Variants in PDE4B observed in about 807,000 individuals in gnomAD.
The protein encoded by PDE4B is phosphodiesterase 4B.
A neutral mutation model predicts 82.2 loss-of-function variants in PDE4B; 20 were observed. The observed-to-expected ratio is 0.24, with a 90% CI of 0.17 to 0.35. The LOEUF (loss-of-function observed/expected upper bound fraction) is 0.35. Among genes scored for constraint, PDE4B ranks in the 10% least tolerant of loss-of-function variants. The pLI is 1.00. For missense variants in PDE4B, 655 were observed against 907.2 expected (o/e 0.72, Z 3.57); for synonymous variants, 320 against 318.9 (o/e 1.00, Z -0.04).
chr1:66,195,201 C>A (rs1424074028), intron 3 of PDE4B, among the ~76,000 whole-genome samples: 1 of 152,088 alleles, frequency 6.6e-6, no homozygotes, highest in African/African-American at 2.4e-5. Flanking sequence ...GGTGACCTCC[C>A]AGAGCCAATC....
At chr1:65,813,632 CT>C (rs1449818208) in intron 1 of PDE4B, among the ~76,000 whole-genome samples, 2 of 152,002 alleles carry the variant, frequency 1.3e-5, no homozygotes, top group Admixed American at 1.3e-4. Flanking sequence ...GGAGGGGGTC[CT>C]CTATAGTTTC....
At chr1:66,296,807 T>G (rs1274275655) in intron 7 of PDE4B, among the ~76,000 whole-genome samples, 2 of 152,184 alleles carry the variant, frequency 1.3e-5, no homozygotes. Context: ...TTTCACCAAC[T>G]CTTACACGAA....
chr1:66,124,918 C>CGTGT (rs58795750), intron 3 of PDE4B, among the ~76,000 whole-genome samples: 9,709 of 147,844 alleles, frequency 0.066, 691 homozygotes, highest in East Asian at 0.16. Flanking sequence ...TGTGTGTATG[C>CGTGT]GTGTGTGTGT....
intron 1 of PDE4B, among the ~76,000 whole-genome samples, chr1:65,837,653 A>G (rs1646155883): frequency 1.3e-5 from 2 of 152,156 alleles, no homozygotes; most frequent in Admixed American, 6.6e-5. Context: ...TAGCATCTTC[A>G]GTAACTTGAG....
chr1:66,203,212 G>T, intron 3 of PDE4B, among the ~76,000 whole-genome samples: 1 of 152,170 alleles, frequency 6.6e-6, no homozygotes, highest in Non-Finnish European at 1.5e-5. Context: ...TCTGCCGAGA[G>T]ATCTGCTGTT....
chr1:66,081,826 CTCTCTCTG>C (rs1433276726), intron 3 of PDE4B, among the ~76,000 whole-genome samples: 25 of 95,782 alleles, frequency 2.6e-4, no homozygotes, highest in Non-Finnish European at 3.6e-4. Context: ...CTCTCTCTCT[CTCTCTCTG>C]TGTGTGTGTG....
At chr1:66,219,590 A>C (rs1650796664) in intron 3 of PDE4B, among the ~76,000 whole-genome samples, 1 of 152,150 alleles carries the variant, frequency 6.6e-6, no homozygotes, top group Non-Finnish European at 1.5e-5. Context: ...ATTCTGCACC[A>C]TGTTTTTATG....
intron 12 of PDE4B, among the ~76,000 whole-genome samples, chr1:66,364,962 G>A (rs1209612769): frequency 6.6e-6 from 1 of 152,152 alleles, no homozygotes; most frequent in Admixed American, 6.6e-5. Flanking sequence ...GATGAGGAAA[G>A]ACATTTCAGC....
intron 3 of PDE4B, among the ~76,000 whole-genome samples, chr1:66,220,676 A>G (rs900099900): frequency 2.0e-5 from 3 of 152,144 alleles, no homozygotes; most frequent in African/African-American, 7.2e-5. Flanking sequence ...CTCTGCTGCT[A>G]TGTTTTAATA....
intron 2 of PDE4B, among the ~76,000 whole-genome samples, chr1:65,914,518 C>G (rs1647135857): frequency 6.9e-6 from 1 of 145,448 alleles, no homozygotes; most frequent in African/African-American, 2.5e-5. Flanking sequence ...AGGGCATTTC[C>G]TTAAGTTATA....
chr1:66,124,423 A>G (rs994937605), intron 3 of PDE4B, among the ~76,000 whole-genome samples: 15 of 152,216 alleles, frequency 9.9e-5, no homozygotes, highest in Non-Finnish European at 2.2e-4. Flanking sequence ...CACTTTGAAA[A>G]GAGTCTGCAG....
intron 3 of PDE4B, among the ~76,000 whole-genome samples, chr1:65,976,048 G>A (rs1315045891): frequency 6.6e-6 from 1 of 152,112 alleles, no homozygotes; most frequent in Non-Finnish European, 1.5e-5. Context: ...CCCCAGAATG[G>A]TAGATCCATC....
intron 1 of PDE4B, among the ~76,000 whole-genome samples, chr1:65,860,820 T>C (rs889745195): frequency 1.3e-5 from 2 of 152,200 alleles, no homozygotes; most frequent in Non-Finnish European, 2.9e-5. Flanking sequence ...CTTTTTCATA[T>C]GTTTGTTGGC....
chr1:65,978,030 T>A (rs901799020), intron 3 of PDE4B, among the ~76,000 whole-genome samples: 2 of 148,440 alleles, frequency 1.3e-5, no homozygotes, highest in African/African-American at 4.9e-5. Context: ...TTTTAATTTT[T>A]TTTTTTTTTT....
At chr1:66,074,068 C>T (rs191309835) in intron 3 of PDE4B, among the ~76,000 whole-genome samples, 132 of 152,212 alleles carry the variant, frequency 8.7e-4, no homozygotes, top group African/African-American at 3.2e-3. Context: ...AGGTGGATAG[C>T]ACCTGATCTT....
intron 2 of PDE4B, among the ~76,000 whole-genome samples, chr1:65,916,389 C>G (rs1456116160): frequency 6.6e-6 from 1 of 151,900 alleles, no homozygotes; most frequent in Non-Finnish European, 1.5e-5. Flanking sequence ...ACAATTAAAC[C>G]TGGATGGTAA....
intron 3 of PDE4B, among the ~76,000 whole-genome samples, chr1:66,108,448 T>A (rs2503165): frequency 1.4e-4 from 21 of 152,026 alleles, no homozygotes; most frequent in Non-Finnish European, 2.8e-4. Context: ...AGACAAATGC[T>A]ATTGCATCAC....
rs151301262 is a variant in PDE4B at position 65,853,303 on chromosome 1, G to A, written c.-70-59942G>A. On this transcript the variant is annotated intron_variant, in intron 1 of 16. Coordinates refer to ENST00000341517, the MANE Select transcript of PDE4B (RefSeq NM_002600.4). ...GTTTCTTGTAGACAGCATAAAGTTGGATCCTGCTCTTTATTTAAAGAAGTT... is the reference window on the plus strand; with the variant it reads ...GTTTCTTGTAGACAGCATAAAGTTGAATCCTGCTCTTTATTTAAAGAAGTT... Among the ~76,000 whole-genome samples the A allele has an allele frequency of 4.6e-5, 7 of 152,034 alleles. No individual in the cohort carries two copies. The East Asian group carries it at 1.4e-3, about 29-fold the overall frequency.
chr1:66,196,684 T>C (rs1250610781), intron 3 of PDE4B, among the ~76,000 whole-genome samples: 2 of 151,848 alleles, frequency 1.3e-5, no homozygotes, highest in Non-Finnish European at 2.9e-5. Flanking sequence ...TTGGAAATCA[T>C]CATTCTCAGT....
Sources: gnomAD v4.1 joint callset for allele counts (sites outside exome capture counted in the v4.1 genomes callset) on GRCh38, gnomAD v4.1.1 for gene constraint, MANE v1.5 for transcripts, NCBI Gene and HGNC (gene_info 2026-07-23, HGNC 2026-07-21) for gene names.